The following ATG7 variants were observed in gnomAD, a reference collection of about 807,000 sequenced individuals.
The protein encoded by ATG7 is ubiquitin-like modifier-activating enzyme ATG7.
ATG7 carries 70 observed loss-of-function variants against 82.4 expected under a neutral mutation model. The ratio of observed to expected loss-of-function variants is 0.85; its 90% CI spans 0.70 to 1.04. The LOEUF is 1.04. Ranked by LOEUF, ATG7 falls within the 50% of genes least tolerant of loss-of-function variation. The pLI is 0.00. For missense variants in ATG7, 792 were observed against 864.3 expected (o/e 0.92, Z 1.05); for synonymous variants, 287 against 313.0 (o/e 0.92, Z 0.88).
At chr3:11,369,981 C>T (rs771218216) in intron 18 of ATG7, among the ~76,000 whole-genome samples, 1 of 151,014 alleles carries the variant, frequency 6.6e-6, no homozygotes, top group African/African-American at 2.4e-5. Flanking sequence ...GCACTTGTCC[C>T]TGTTTGACCT....
chr3:11,425,569 A>G (rs1207830336), intron 19 of ATG7, among the ~76,000 whole-genome samples: 1 of 152,200 alleles, frequency 6.6e-6, no homozygotes, highest in Non-Finnish European at 1.5e-5. Context: ...AGTCCCTGTG[A>G]TCACTGAATT....
At chr3:11,417,810 A>ATTTTTTTTTT (rs368598930) in intron 19 of ATG7, among the ~76,000 whole-genome samples, 1 of 97,986 alleles carries the variant, frequency 1.0e-5, no homozygotes, top group African/African-American at 4.4e-5. Flanking sequence ...ATTTTATTTT[A>ATTTTTTTTTT]TTTTATTTTT....
intron 7 of ATG7, 89 bp downstream of exon 7, chr3:11,309,150 C>T (rs540963628): frequency 8.2e-6 from 10 of 1,213,928 alleles, no homozygotes; most frequent in Admixed American, 3.4e-5. Flanking sequence ...CTCTTCTCTC[C>T]GAAGCTACTA....
In ATG7 at chr3:11,555,175, A is replaced by C; in HGVS notation, c.*332A>C. The stretch of plus-strand genomic sequence containing the variant: ...CCCTTGGCCCTGAGGGGGTGACCCA[A>C]CACAGACCAAATGGGGAAATGAGCA... On this transcript the variant is annotated 3_prime_UTR_variant, in exon 21 of 21. Transcript: ENST00000693202. 1 of 311,444 alleles carries C rather than the reference A, an allele frequency of 3.2e-6. No individual in the cohort carries two copies. Among genetic ancestry groups the C allele is most frequent in the Non-Finnish European group, 5.9e-6 (1 of 169,578 alleles). The allele number at this position is 311,444 out of a possible 1,614,324, so 19.3% of individuals were successfully genotyped here.
chr3:11,430,713 G>C (rs1258707057), intron 20 of ATG7, among the ~76,000 whole-genome samples: 2 of 152,196 alleles, frequency 1.3e-5, no homozygotes, highest in East Asian at 3.9e-4. Flanking sequence ...TCATAGTCTA[G>C]TGTGAGAAGC....
chr3:11,320,795 C>G (rs1950115759), intron 9 of ATG7, among the ~76,000 whole-genome samples: 1 of 152,214 alleles, frequency 6.6e-6, no homozygotes, highest in South Asian at 2.1e-4. Flanking sequence ...ATGGGAAGCA[C>G]CTGGGTCAGT....
In ATG7 at chr3:11,556,860, G is replaced by A. The variant is rs985086735; in HGVS notation, c.*2017G>A. 1 of 152,832 alleles carries A rather than the reference G, an allele frequency of 6.5e-6. No individual in the cohort carries two copies. Among genetic ancestry groups the A allele is most frequent in the Non-Finnish European group, 1.5e-5 (1 of 68,052 alleles). The allele number at this position is 152,832 out of a possible 1,614,324, so 9.5% of individuals were successfully genotyped here. A position where few individuals can be genotyped will look rare whatever the true frequency, so the allele number is the denominator to read the frequency against. ...CTTGGAAGCCCAGTACAGTGGGAGT[G>A]AAATGTGTGCGGGGCAAGGAGAAGG... On this transcript the variant is annotated 3_prime_UTR_variant, in exon 21 of 21. Coordinates refer to ENST00000693202, the MANE Select transcript of ATG7 (RefSeq NM_001349232.2).
chr3:11,427,515 G>A (rs2152944417), intron 20 of ATG7, among the ~76,000 whole-genome samples: 1 of 142,686 alleles, frequency 7.0e-6, no homozygotes, highest in Non-Finnish European at 1.5e-5. Context: ...TTTAAAGACT[G>A]AGTTTAAGAA....
intron 19 of ATG7, among the ~76,000 whole-genome samples, chr3:11,425,966 T>C (rs769153048): frequency 6.6e-5 from 10 of 152,242 alleles, no homozygotes; most frequent in Non-Finnish European, 7.3e-5. Flanking sequence ...CTCACTGATA[T>C]ATAGTATTCC....
At chr3:11,326,561 G>C (rs2152745877) in intron 9 of ATG7, among the ~76,000 whole-genome samples, 1 of 152,302 alleles carries the variant, frequency 6.6e-6, no homozygotes, top group South Asian at 2.1e-4. Context: ...GCCTTCCAGA[G>C]TGCTGGGATT....
the ATG7 span, among the ~76,000 whole-genome samples, chr3:11,574,781 A>ATGTGTGTGTGTGTG: frequency 8.3e-6 from 1 of 120,948 alleles, no homozygotes; most frequent in African/African-American, 3.3e-5. Flanking sequence ...CAATTCAACT[A>ATGTGTGTGTGTGTG]TATATGTGTG....
chr3:11,488,376 G>A lies in ATG7; in HGVS notation c.2079+61450G>A, dbSNP rs867536396. Reference sequence around the variant, plus strand: ...CCCGGGCGGCACTCGCCGGCGCGGCGGCAAAGACTGAGACAGCTCCGCTGC... The same window carrying A: ...CCCGGGCGGCACTCGCCGGCGCGGCAGCAAAGACTGAGACAGCTCCGCTGC... On this transcript the variant is annotated intron_variant, in intron 20 of 20. Coordinates refer to ENST00000693202, the MANE Select transcript of ATG7 (RefSeq NM_001349232.2). The A allele has an allele frequency of 1.6e-4, 169 of 1,064,648 alleles. 1 individual carries two copies. Among genetic ancestry groups the A allele is most frequent in the African/African-American group, 2.3e-4 (13 of 57,450 alleles). 66.0% of individuals were successfully genotyped at this position (1,064,648 alleles called of 1,614,324 possible). A position where few individuals can be genotyped will look rare whatever the true frequency, so the allele number is the denominator to read the frequency against.
chr3:11,532,048 C>T (rs1453147201), intron 20 of ATG7, among the ~76,000 whole-genome samples: 1 of 151,988 alleles, frequency 6.6e-6, no homozygotes, highest in African/African-American at 2.4e-5. Flanking sequence ...GGATTTTATT[C>T]CTCCTCCTCC....
intron 20 of ATG7, among the ~76,000 whole-genome samples, chr3:11,469,354 C>T (rs1032098539): frequency 3.9e-5 from 6 of 151,998 alleles, no homozygotes; most frequent in Admixed American, 1.3e-4. Flanking sequence ...GGGGCTGAGG[C>T]AGGATAATTG....
At chr3:11,294,012 C>T (rs1173332262) in intron 3 of ATG7, among the ~76,000 whole-genome samples, 2 of 114,512 alleles carry the variant, frequency 1.7e-5, no homozygotes, top group African/African-American at 6.3e-5. Context: ...AGCAGGACTC[C>T]GTCTCAAAAA....
chr3:11,474,062 G>T (rs932279541), intron 20 of ATG7, among the ~76,000 whole-genome samples: 8 of 152,264 alleles, frequency 5.3e-5, no homozygotes, highest in African/African-American at 1.9e-4. Context: ...ACTTAGTTGA[G>T]TTCAGTTCAG....
intron 19 of ATG7, among the ~76,000 whole-genome samples, chr3:11,392,846 A>G (rs1226078400): frequency 6.6e-6 from 1 of 152,198 alleles, no homozygotes; most frequent in Non-Finnish European, 1.5e-5. Context: ...CCTATATTAG[A>G]AGTTATGCTA....
At chr3:11,501,482 T>G (rs992389715) in intron 20 of ATG7, among the ~76,000 whole-genome samples, 2 of 152,264 alleles carry the variant, frequency 1.3e-5, no homozygotes, top group East Asian at 3.9e-4. Flanking sequence ...AAAGTAAAGT[T>G]CATTTTTGAA....
At chr3:11,343,314 G>T (rs758671715) in intron 13 of ATG7, among the ~76,000 whole-genome samples, 2 of 152,084 alleles carry the variant, frequency 1.3e-5, no homozygotes, top group African/African-American at 4.8e-5. Context: ...GCCAAAACTG[G>T]ATATATCAAC....
Sources: allele counts gnomAD v4.1 joint callset (sites outside exome capture counted in the v4.1 genomes callset), GRCh38; gene constraint gnomAD v4.1.1; transcripts MANE v1.5; gene names NCBI Gene and HGNC (gene_info 2026-07-23, HGNC 2026-07-21).